Variants in ARK2C observed in about 807,000 individuals in gnomAD.
The protein encoded by ARK2C is arkadia (RNF111) C-terminal like ring finger ubiquitin ligase 2C.
At chr18:46,347,348 A>T in the ARK2C span, among the ~76,000 whole-genome samples, 7 of 152,140 alleles carry the variant, frequency 4.6e-5, no homozygotes, top group African/African-American at 1.7e-4. Flanking sequence ...CCTCCCTGCC[A>T]TCCCCTGGCC....
At chr18:46,369,726 G>A in the ARK2C span, among the ~76,000 whole-genome samples, 278 of 152,182 alleles carry the variant, frequency 1.8e-3, 1 homozygote, top group Middle Eastern at 3.4e-3. Flanking sequence ...CTCATAAACC[G>A]GGGGGTCCTT....
the ARK2C span, among the ~76,000 whole-genome samples, chr18:46,348,180 A>T: frequency 0.61 from 89,036 of 145,300 alleles, 27,961 homozygotes; most frequent in East Asian, 0.77. Flanking sequence ...TCTTAAAGGA[A>T]CTGGTTGCCC....
chr18:46,334,670 C>CTGTGTGTG, the ARK2C span: 1 of 292,900 alleles, frequency 3.4e-6, no homozygotes, highest in African/African-American at 3.2e-5. This position sits in a 1 kb window ranked among gnomAD's most constrained non-coding sequence, Gnocchi z 4.4. Flanking sequence ...AGATACATGA[C>CTGTGTGTG]CGTGTGTGTG....
At chr18:46,396,473 A>G in the ARK2C span, among the ~76,000 whole-genome samples, 3 of 152,216 alleles carry the variant, frequency 2.0e-5, no homozygotes, top group Non-Finnish European at 2.9e-5. Context: ...GAACTCCATG[A>G]CAGTATGGGC....
the ARK2C span, among the ~76,000 whole-genome samples, chr18:46,422,089 C>T: frequency 6.6e-6 from 1 of 152,164 alleles, no homozygotes; most frequent in Non-Finnish European, 1.5e-5. Context: ...TAAACTGATA[C>T]ACCTGGAGTA....
the ARK2C span, among the ~76,000 whole-genome samples, chr18:46,380,606 G>A: frequency 6.6e-6 from 1 of 152,158 alleles, no homozygotes; most frequent in Non-Finnish European, 1.5e-5. Flanking sequence ...GAGAGTTGCT[G>A]AGCTGGTCGC....
At chr18:46,403,422 A>G in the ARK2C span, among the ~76,000 whole-genome samples, 2 of 152,122 alleles carry the variant, frequency 1.3e-5, no homozygotes, top group African/African-American at 4.8e-5. Flanking sequence ...ACATCAACCC[A>G]TACTCACTGG....
chr18:46,357,276 T>C, the ARK2C span, among the ~76,000 whole-genome samples: 1 of 152,156 alleles, frequency 6.6e-6, no homozygotes, highest in Non-Finnish European at 1.5e-5. Flanking sequence ...ACCCAGCATT[T>C]ATTAAGTAAC....
the ARK2C span, among the ~76,000 whole-genome samples, chr18:46,397,465 T>G: frequency 7.6e-6 from 1 of 131,502 alleles, no homozygotes; most frequent in Non-Finnish European, 1.6e-5. Context: ...TGTGTGTGTG[T>G]GTGTGGTCAT....
the ARK2C span, among the ~76,000 whole-genome samples, chr18:46,379,062 T>C: frequency 0.86 from 131,492 of 152,250 alleles, 57,532 homozygotes; most frequent in African/African-American, 0.91. Flanking sequence ...CATCTGTTCC[T>C]CAGAGTGTGT....
the ARK2C span, among the ~76,000 whole-genome samples, chr18:46,401,620 ACTCC>A: frequency 6.6e-6 from 1 of 151,956 alleles, no homozygotes; most frequent in Non-Finnish European, 1.5e-5. Context: ...ACTGGGTCTC[ACTCC>A]CTCCTGTGAT....
At chr18:46,361,199 G>C in the ARK2C span, among the ~76,000 whole-genome samples, 1 of 152,002 alleles carries the variant, frequency 6.6e-6, no homozygotes, top group African/African-American at 2.4e-5. Context: ...AGAGCCTTTG[G>C]GTGCTCTAAG....
At chr18:46,432,208 A>G in the ARK2C span, among the ~76,000 whole-genome samples, 2 of 152,126 alleles carry the variant, frequency 1.3e-5, no homozygotes, top group Non-Finnish European at 2.9e-5. Context: ...GCTTAGAGAG[A>G]ATTTGTAAGG....
At chr18:46,397,258 G>A in the ARK2C span, among the ~76,000 whole-genome samples, 1 of 152,152 alleles carries the variant, frequency 6.6e-6, no homozygotes, top group African/African-American at 2.4e-5. Flanking sequence ...GACTGGGGGT[G>A]GGAGGGGAAG....
the ARK2C span, among the ~76,000 whole-genome samples, chr18:46,445,472 C>T: frequency 6.6e-6 from 1 of 152,180 alleles, no homozygotes; most frequent in Non-Finnish European, 1.5e-5. Context: ...TAAAATTTCA[C>T]CCCATGTATG....
At chr18:46,394,516 G>A in the ARK2C span, among the ~76,000 whole-genome samples, 1 of 152,174 alleles carries the variant, frequency 6.6e-6, no homozygotes, top group African/African-American at 2.4e-5. Flanking sequence ...CTTCCCCCCA[G>A]CCAGGCTGAG....
At chr18:46,409,543 G>A in the ARK2C span, among the ~76,000 whole-genome samples, 3 of 152,186 alleles carry the variant, frequency 2.0e-5, no homozygotes, top group African/African-American at 7.2e-5. Context: ...AGGATTGGGG[G>A]AAGCTAAGAG....
the ARK2C span, among the ~76,000 whole-genome samples, chr18:46,379,372 G>A: frequency 2.0e-5 from 3 of 152,140 alleles, 1 homozygote; most frequent in South Asian, 6.2e-4. Flanking sequence ...ACTAAGCGCT[G>A]GTTTCTTTTC....
At chr18:46,365,089 T>A in the ARK2C span, among the ~76,000 whole-genome samples, 1 of 152,330 alleles carries the variant, frequency 6.6e-6, no homozygotes, top group East Asian at 1.9e-4. Flanking sequence ...TCCTGCTTTA[T>A]CACCATTCCC....
Sources: allele counts gnomAD v4.1 joint callset (sites outside exome capture counted in the v4.1 genomes callset), GRCh38; gene constraint gnomAD v4.1.1; non-coding constraint Gnocchi (gnomAD v3.1); transcripts MANE v1.5; gene names NCBI Gene and HGNC (gene_info 2026-07-23, HGNC 2026-07-21).